The following KCNIP4 variants were observed in gnomAD, a reference collection of about 807,000 sequenced individuals.
KCNIP4 encodes Kv channel-interacting protein 4.
A neutral mutation model predicts 34.0 loss-of-function variants in KCNIP4; 12 were observed. The ratio of observed to expected loss-of-function variants is 0.35; its 90% CI spans 0.23 to 0.57. KCNIP4 has a LOEUF of 0.57. KCNIP4 is among the 20% of genes least tolerant of loss of function. The pLI, the probability that KCNIP4 is intolerant of heterozygous loss-of-function variation, is 0.83. For missense variants in KCNIP4, 238 were observed against 311.7 expected (o/e 0.76, Z 1.78); for synonymous variants, 124 against 102.2 (o/e 1.21, Z -1.29).
chr4:21,803,474 T>C (rs1016898635), intron 1 of KCNIP4, among the ~76,000 whole-genome samples: 43 of 152,220 alleles, frequency 2.8e-4, no homozygotes, highest in East Asian at 2.5e-3. Context: ...CACCATTACC[T>C]TCCCTAAATG....
intron 1 of KCNIP4, among the ~76,000 whole-genome samples, chr4:21,010,423 T>A (rs140771781): frequency 2.6e-5 from 4 of 152,378 alleles, no homozygotes; most frequent in African/African-American, 9.6e-5. Context: ...CGCTTCTGAA[T>A]GGCAGAGCAC....
At chr4:21,372,353 A>AATAGATAGATAGATAG (rs140861893) in intron 1 of KCNIP4, among the ~76,000 whole-genome samples, 1,900 of 139,056 alleles carry the variant, frequency 0.014, 85 homozygotes, top group Middle Eastern at 0.024. Context: ...CAGTTTGGTG[A>AATAGATAGATAGATAG]ATAGATAGAT....
intron 1 of KCNIP4, among the ~76,000 whole-genome samples, chr4:21,664,112 A>AT (rs1214622066): frequency 1.3e-5 from 2 of 151,064 alleles, no homozygotes; most frequent in Non-Finnish European, 3.0e-5. Flanking sequence ...CAACTGGCTA[A>AT]TTTTTTTTTG....
chr4:21,381,401 T>C (rs1721491365), intron 1 of KCNIP4, among the ~76,000 whole-genome samples: 1 of 152,332 alleles, frequency 6.6e-6, no homozygotes, highest in Admixed American at 6.5e-5. Context: ...AGATTTATCA[T>C]TCATATGCTT....
chr4:20,892,479 C>T (rs1467023276), intron 1 of KCNIP4, among the ~76,000 whole-genome samples: 1 of 152,104 alleles, frequency 6.6e-6, no homozygotes, highest in Non-Finnish European at 1.5e-5. Flanking sequence ...CTCTGAGTTT[C>T]TCTGGCTCAA....
rs1402114245 is a variant in KCNIP4, at chr4:21,044,407, G to A, written c.62-161698C>T. 2.6e-5 allele frequency among the ~76,000 whole-genome samples: 4 copies of A among 152,118 alleles called. No homozygotes were observed. The East Asian group carries it at 7.7e-4, about 29-fold the overall frequency. Reference sequence around the variant, plus strand: ...GCTCACTGCAACCTCCACCTCCAGGGTTCAGGTGATTCTCCTACTTCAGCC... The same window carrying A: ...GCTCACTGCAACCTCCACCTCCAGGATTCAGGTGATTCTCCTACTTCAGCC... On this transcript the variant is annotated intron_variant, in intron 1 of 8. Transcript: ENST00000382152.
chr4:20,943,108 T>C (rs928446067), intron 1 of KCNIP4, among the ~76,000 whole-genome samples: 2 of 122,924 alleles, frequency 1.6e-5, no homozygotes, highest in African/African-American at 6.3e-5. Context: ...GCAGAATGTA[T>C]AAATGCAGGC....
chr4:21,404,083 C>T (rs1723767452), intron 1 of KCNIP4, among the ~76,000 whole-genome samples: 1 of 152,220 alleles, frequency 6.6e-6, no homozygotes, highest in Non-Finnish European at 1.5e-5. Flanking sequence ...ATGCTCCAAG[C>T]ACACTCCCAC....
chr4:21,292,216 C>G (rs1044716823), intron 1 of KCNIP4, among the ~76,000 whole-genome samples: 2 of 152,126 alleles, frequency 1.3e-5, no homozygotes, highest in African/African-American at 4.8e-5. Flanking sequence ...TGCAGTCAAA[C>G]CACTAGGAAA....
At chr4:21,590,716 T>C (rs1437518102) in intron 1 of KCNIP4, among the ~76,000 whole-genome samples, 1 of 152,028 alleles carries the variant, frequency 6.6e-6, no homozygotes, top group Non-Finnish European at 1.5e-5. Context: ...CAATGGGTCA[T>C]TACTATCTTC....
At chr4:20,966,131 T>C (rs1258610712) in intron 1 of KCNIP4, among the ~76,000 whole-genome samples, 5 of 152,194 alleles carry the variant, frequency 3.3e-5, no homozygotes, top group Non-Finnish European at 5.9e-5. Flanking sequence ...ATTGGGAAGA[T>C]AGATGTAGGA....
At chr4:21,729,106 T>C (rs1225487610) in intron 1 of KCNIP4, among the ~76,000 whole-genome samples, 1 of 152,182 alleles carries the variant, frequency 6.6e-6, no homozygotes, top group Non-Finnish European at 1.5e-5. Context: ...CTTTTATCTT[T>C]GTGCTAAGTG....
chr4:21,109,480 C>T (rs987537409), intron 1 of KCNIP4, among the ~76,000 whole-genome samples: 3 of 152,182 alleles, frequency 2.0e-5, no homozygotes, highest in Non-Finnish European at 4.4e-5. Context: ...GTGGGAGTGA[C>T]CCGATTTTCC....
chr4:21,751,089 G>A (rs6448075), intron 1 of KCNIP4, among the ~76,000 whole-genome samples: 94,855 of 151,936 alleles, frequency 0.62, 31,095 homozygotes, highest in African/African-American at 0.77. Flanking sequence ...AGGTAGGTAG[G>A]GAAGAGGAGA....
intron 1 of KCNIP4, among the ~76,000 whole-genome samples, chr4:21,209,597 C>CTCTATCTATCTATCTA (rs547084193): frequency 6.6e-6 from 1 of 151,890 alleles, no homozygotes; most frequent in African/African-American, 2.4e-5. Context: ...TAGGTCATAT[C>CTCTATCTATCTATCTA]TCTATCTATC....
intron 1 of KCNIP4, among the ~76,000 whole-genome samples, chr4:21,784,602 A>G (rs991014867): frequency 3.3e-5 from 5 of 152,160 alleles, no homozygotes; most frequent in African/African-American, 1.2e-4. Flanking sequence ...TTTATCTGAA[A>G]AAATAAATAT....
intron 1 of KCNIP4, among the ~76,000 whole-genome samples, chr4:21,710,790 A>G (rs1016652851): frequency 2.0e-5 from 3 of 152,230 alleles, no homozygotes; most frequent in Admixed American, 6.5e-5. Flanking sequence ...TCCAATTCAA[A>G]AAAAATCTAG....
At chr4:21,694,721 C>T (rs1257382796) in intron 1 of KCNIP4, among the ~76,000 whole-genome samples, 1 of 151,862 alleles carries the variant, frequency 6.6e-6, no homozygotes, top group Non-Finnish European at 1.5e-5. Flanking sequence ...TGTGATAACA[C>T]TAATAAGACA....
intron 1 of KCNIP4, among the ~76,000 whole-genome samples, chr4:21,360,195 C>T (rs1253479210): frequency 2.6e-5 from 4 of 151,998 alleles, no homozygotes; most frequent in Non-Finnish European, 4.4e-5. Context: ...GTAGAAAATG[C>T]TAATAAAAAT....
Sources: gnomAD v4.1 joint callset for allele counts (sites outside exome capture counted in the v4.1 genomes callset) on GRCh38, gnomAD v4.1.1 for gene constraint, MANE v1.5 for transcripts, NCBI Gene and HGNC (gene_info 2026-07-23, HGNC 2026-07-21) for gene names.